PIK3R2: variants seen among roughly 807,000 people sequenced by gnomAD.
PIK3R2 encodes the protein phosphoinositide-3-kinase regulatory subunit 2.
PIK3R2 carries 40 observed loss-of-function variants against 78.5 expected under a neutral mutation model. That is an observed-to-expected ratio of 0.51 (90% CI 0.40 to 0.66). The LOEUF (loss-of-function observed/expected upper bound fraction) is 0.66, where lower values mean the gene tolerates loss of function less well. PIK3R2 is among the 30% of genes least tolerant of loss of function. The pLI, the probability that PIK3R2 is intolerant of heterozygous loss-of-function variation, is 0.00. For synonymous variants in PIK3R2, 473 were observed against 457.7 expected, an observed-to-expected ratio of 1.03 and a Z score of -0.43; for missense variants, 880 against 1,026.6, an observed-to-expected ratio of 0.86 and a Z score of 1.95.
Position 18,169,304 on chromosome 19 carries a change from A to G in PIK3R2, c.*10A>G, listed in dbSNP as rs1025450781. ...GCCTGCCGCCCGCTGAGCACCGAGG[A>G]CCCGCCCCAAGCAGAGCCGCCCCTG... On this transcript the variant is annotated 3_prime_UTR_variant, in exon 16 of 16. Transcript: ENST00000222254. 1.3e-5 allele frequency: 18 copies of G among 1,439,360 alleles called. No individual in the cohort carries two copies. The African/African-American group carries it at 2.7e-4, about 21-fold the overall frequency. 89.2% of individuals were successfully genotyped at this position (1,439,360 alleles called of 1,614,324 possible).
Position 18,161,205 on chromosome 19 carries a change from C to G in PIK3R2, c.598+20C>G, listed in dbSNP as rs1287594814. Reference sequence around the variant, plus strand: ...TGCGGGGTGAGCCTGGCGGGTAGCCCGGGGGAAGGAGGGGGCTGTAGCGGG... The same window carrying G: ...TGCGGGGTGAGCCTGGCGGGTAGCCGGGGGGAAGGAGGGGGCTGTAGCGGG... On this transcript the variant is annotated intron_variant, in intron 5 of 15. Transcript: ENST00000222254. The surrounding 1 kb of genome is among the most constrained non-coding windows in gnomAD (Gnocchi z 5.3). 2 of 1,538,842 alleles carry G rather than the reference C, an allele frequency of 1.3e-6. No homozygotes were observed. Among genetic ancestry groups the G allele is most frequent in the East Asian group, 2.5e-5 (1 of 40,788 alleles).
chr19:18,158,631 CA>C (rs1424569352), intron 2 of PIK3R2, among the ~76,000 whole-genome samples: 7 of 151,454 alleles, frequency 4.6e-5, no homozygotes, highest in Non-Finnish European at 1.0e-4. Flanking sequence ...GAACCTGTCT[CA>C]AAAAAAATGA....
In PIK3R2 at chr19:18,162,280, A is replaced by T; in HGVS notation, c.980A>T (p.Asp327Val). 6.2e-7 allele frequency: 1 copy of T among 1,610,654 alleles called. No homozygotes were observed. The highest frequency in any genetic ancestry group is 8.5e-7 in the Non-Finnish European group (1 of 1,177,462). Residue 327 changes from aspartate to valine, a missense_variant, in exon 8 of 16, where the codon GAT becomes GTT. Asp to Val is a radical substitution (Grantham distance 152). Coordinates refer to ENST00000222254, the MANE Select transcript of PIK3R2 (RefSeq NM_005027.4). ...ANGGSPPSLQ[D>V]AEWYWGDISR... ...GGAGGGAGCCCACCCTCCCTGCAGG[A>T]TGCTGAGTGGTACTGGGGGGACATT...
chr19:18,155,736 G>A lies in PIK3R2; in HGVS notation c.-144G>A. 1 of 650,256 alleles carries A rather than the reference G, an allele frequency of 1.5e-6. No homozygotes were observed. Among genetic ancestry groups the A allele is most frequent in the Non-Finnish European group, 2.6e-6 (1 of 391,028 alleles). 40.3% of individuals were successfully genotyped at this position (650,256 alleles called of 1,614,324 possible). A position where few individuals can be genotyped will look rare whatever the true frequency, so the allele number is the denominator to read the frequency against. ...TTGAAGCGAGGCATGAGCGGCCCCT[G>A]TGGTCGCCTGTGACTGCTGGAGATA... On this transcript the variant is annotated 5_prime_UTR_variant, in exon 2 of 16. In the 5' UTR this introduces an upstream ATG that the reference lacks. Transcript: ENST00000222254.
Position 18,155,934 on chromosome 19 carries a change from C to A in PIK3R2, c.55C>A (p.Arg19=), listed in dbSNP as rs779519249. The A allele has an allele frequency of 2.8e-5, 44 of 1,569,298 alleles. No individual in the cohort carries two copies. Among genetic ancestry groups the A allele is most frequent in the Non-Finnish European group, 3.8e-5 (44 of 1,157,644 alleles). The change falls in exon 2 of 16, where the codon CGG becomes AGG. Residue 19 remains arginine, a synonymous_variant. Transcript: ENST00000222254. ...CGCTCTGTACCCGTTCCGCCGGGAG[C>A]GGCCGGAGGACCTGGAGCTGCTGCC... ...YRALYPFRRE[R]PEDLELLPGD...
At position 18,168,387 on chromosome 19, in the gene PIK3R2, A is replaced by T. The variant is rs2043829301; in HGVS notation, c.1737-88A>T. On this transcript the variant is annotated intron_variant, in intron 13 of 15. Coordinates refer to ENST00000222254, the MANE Select transcript of PIK3R2 (RefSeq NM_005027.4). The surrounding 1 kb of genome is among the most constrained non-coding windows in gnomAD (Gnocchi z 4.1). ...ATTGTACCCAGAACCCTCTCTCCTCAGCCAGACCCTGCCTCCCACCGGACA... is the reference window on the plus strand; with the variant it reads ...ATTGTACCCAGAACCCTCTCTCCTCTGCCAGACCCTGCCTCCCACCGGACA... 1.4e-6 allele frequency: 1 copy of T among 724,782 alleles called. No individual in the cohort carries two copies. Among genetic ancestry groups the T allele is most frequent in the African/African-American group, 1.7e-5 (1 of 57,868 alleles). 44.9% of individuals were successfully genotyped at this position (724,782 alleles called of 1,614,324 possible). A position where few individuals can be genotyped will look rare whatever the true frequency, so the allele number is the denominator to read the frequency against.
intron 3 of PIK3R2, 133 bp downstream of exon 3, chr19:18,160,696 T>G (rs545046392): frequency 3.2e-5 from 29 of 893,884 alleles, no homozygotes; most frequent in Non-Finnish European, 4.8e-5. Flanking sequence ...TGGGCCTCTA[T>G]GTTGAATAGG....
rs917457445 is a variant in PIK3R2 at position 18,169,290 on chromosome 19, G to A, written c.2183G>A (p.Arg728His). 3 of 1,484,646 alleles carry A rather than the reference G, an allele frequency of 2.0e-6. No individual in the cohort carries two copies. Among genetic ancestry groups the A allele is most frequent in the Non-Finnish European group, 2.7e-6 (3 of 1,123,690 alleles). 92.0% of individuals were successfully genotyped at this position (1,484,646 alleles called of 1,614,324 possible). The change falls in exon 16 of 16, where the codon CGC becomes CAC. Residue 728 changes from arginine to histidine, a missense_variant. Arg to His is a conservative substitution (Grantham distance 29, BLOSUM62 0). This residue lies in a region of PIK3R2 where 268 missense variants were observed against 299.1 expected (regional missense o/e 0.90). Coordinates refer to ENST00000222254, the MANE Select transcript of PIK3R2 (RefSeq NM_005027.4). ...APGPGPPPAA[R>H] is the part of the protein sequence containing the mutation. ...GGCCCCGGCCCGCCGCCTGCCGCCC[G>A]CTGAGCACCGAGGACCCGCCCCAAG...
chr19:18,160,563 G>C lies in PIK3R2; in HGVS notation c.415G>C (p.Gly139Arg). The change falls in exon 3 of 16, where the codon GGG becomes CGG. Residue 139 changes from glycine (G) to arginine (R), a missense_variant and splice_region_variant. By Grantham distance (125) the Gly-to-Arg change is moderately radical. Around this residue, in one of 3 missense-constraint regions of PIK3R2, gnomAD observed 456 missense variants for 486.6 expected, o/e 0.94. Coordinates refer to ENST00000222254, the MANE Select transcript of PIK3R2 (RefSeq NM_005027.4). ...VKLVEAIERT[G>R]LDSESHYRPE... ...GCTTGTGGAGGCCATTGAAAGGACA[G>C]GTAAGTTCCAGCCTGGCTGCAGCCC... 1 of 1,611,110 alleles carries C rather than the reference G, an allele frequency of 6.2e-7. No homozygotes were observed. Among genetic ancestry groups the C allele is most frequent in the Non-Finnish European group, 8.5e-7 (1 of 1,177,660 alleles).
At position 18,160,917 on chromosome 19, in the gene PIK3R2, A is replaced by T; in HGVS notation, c.416-2A>T. 1 of 1,607,600 alleles carries T rather than the reference A, an allele frequency of 6.2e-7. No individual in the cohort carries two copies. Among genetic ancestry groups the T allele is most frequent in the Non-Finnish European group, 8.5e-7 (1 of 1,177,644 alleles). On this transcript the variant is annotated splice_acceptor_variant, in intron 3 of 15. Transcript: ENST00000222254. LOFTEE classifies it high-confidence loss of function. ...TGACTCGCCTGTCCCCTTCACCCCC[A>T]GGGCTGGACAGCGAATCTCACTACC...
chr19:18,163,539 CAT>C, intron 11 of PIK3R2, 151 bp downstream of exon 11: 3 of 803,910 alleles, frequency 3.7e-6, no homozygotes, highest in South Asian at 3.4e-5. Context: ...GTTCTAAAAA[CAT>C]AGAAATAAGG....
intron 11 of PIK3R2, among the ~76,000 whole-genome samples, chr19:18,165,798 T>C (rs2043803990): frequency 6.6e-6 from 1 of 152,184 alleles, no homozygotes; most frequent in African/African-American, 2.4e-5. Flanking sequence ...TAATAGTTGT[T>C]ACTTTGTTAG....
At position 18,161,491 on chromosome 19, in the gene PIK3R2, G is replaced by T. The variant is rs2043745907; in HGVS notation, c.811G>T (p.Asp271Tyr). The T allele has an allele frequency of 2.7e-6, 3 of 1,117,764 alleles. No individual in the cohort carries two copies. The highest frequency in any genetic ancestry group is 3.4e-6 in the Non-Finnish European group (3 of 892,036). 69.2% of individuals were successfully genotyped at this position (1,117,764 alleles called of 1,614,324 possible). The change falls in exon 6 of 16, where the codon GAC becomes TAC. Residue 271 changes from aspartate (D) to tyrosine (Y), a missense_variant. Transcript: ENST00000222254. The surrounding 1 kb of genome is among the most constrained non-coding windows in gnomAD (Gnocchi z 5.3). ...PSSPPPGGAP[D>Y]GSEPSPDFPA... Reference sequence around the variant, plus strand: ...CTCGCCGCCGCCAGGGGGCGCTCCCGACGGGTGAGGGGCGGGGCGGAGCCG... The same window carrying T: ...CTCGCCGCCGCCAGGGGGCGCTCCCTACGGGTGAGGGGCGGGGCGGAGCCG...
intron 2 of PIK3R2, among the ~76,000 whole-genome samples, chr19:18,159,904 G>A (rs1381978183): frequency 2.7e-5 from 4 of 149,522 alleles, no homozygotes; most frequent in African/African-American, 1.0e-4. Flanking sequence ...ACCACGCCCA[G>A]CTAATTTTTC....
rs759289 is a variant in PIK3R2, at chr19:18,167,891, T to C, written c.1737-584T>C. The stretch of plus-strand genomic sequence containing the variant: ...AAAAGAAAAGAAAAAAAAAATCGCC[T>C]GCTGTGCAACCTACCATGCTGGGTG... On this transcript the variant is annotated intron_variant, in intron 13 of 15. Coordinates refer to ENST00000222254, the MANE Select transcript of PIK3R2 (RefSeq NM_005027.4). This position sits in a 1 kb window ranked among gnomAD's most constrained non-coding sequence, Gnocchi z 4.5. 0.92 allele frequency among the ~76,000 whole-genome samples: 139,534 copies of C among 152,020 alleles called. 64,120 individuals carry two copies. Among genetic ancestry groups the C allele is most frequent in the East Asian group, 0.96 (4,980 of 5,164 alleles).
Position 18,167,392 on chromosome 19 carries a change from T to C in PIK3R2, c.1736+86T>C. On this transcript the variant is annotated intron_variant, in intron 13 of 15. Coordinates refer to ENST00000222254, the MANE Select transcript of PIK3R2 (RefSeq NM_005027.4). This position sits in a 1 kb window ranked among gnomAD's most constrained non-coding sequence, Gnocchi z 4.5. ...CTCTCTAGGAGTCTCAGTCTCTCTC[T>C]CTCCACCAAGTGGCCCTTCCTGGGC... 5 of 1,225,876 alleles carry C rather than the reference T, an allele frequency of 4.1e-6. No individual in the cohort carries two copies. Among genetic ancestry groups the C allele is most frequent in the Non-Finnish European group, 5.5e-6 (5 of 909,598 alleles). The allele number at this position is 1,225,876 out of a possible 1,614,324, so 75.9% of individuals were successfully genotyped here. A position where few individuals can be genotyped will look rare whatever the true frequency, so the allele number is the denominator to read the frequency against.
intron 11 of PIK3R2, among the ~76,000 whole-genome samples, chr19:18,164,783 G>A (rs1412579819): frequency 2.7e-5 from 4 of 150,276 alleles, no homozygotes; most frequent in Admixed American, 6.6e-5. Context: ...CTACAGGCAC[G>A]TGCCACCATG....
chr19:18,155,377 A>C (rs1299657360), intron 1 of PIK3R2, 80 bp from the exon 2 acceptor site: 2 of 359,732 alleles, frequency 5.6e-6, no homozygotes, highest in African/African-American at 4.2e-5. Flanking sequence ...GGGAATTCCA[A>C]ATCAGGATTT....
At chr19:18,165,105 C>G (rs2043794782) in intron 11 of PIK3R2, among the ~76,000 whole-genome samples, 1 of 151,270 alleles carries the variant, frequency 6.6e-6, no homozygotes. Flanking sequence ...CACAATGGCT[C>G]AAGCCTGTAA....
Sources: gnomAD v4.1 joint callset for allele counts (sites outside exome capture counted in the v4.1 genomes callset) on GRCh38, gnomAD v4.1.1 for gene constraint, gnomAD v4.1.1 regional missense constraint, Gnocchi (gnomAD v3.1) non-coding constraint, MANE v1.5 for transcripts, NCBI Gene and HGNC (gene_info 2026-07-23, HGNC 2026-07-21) for gene names.